The following ZGRF1 variants were observed in gnomAD, a reference collection of about 807,000 sequenced individuals.
ZGRF1 encodes 5'-3' DNA helicase ZGRF1.
In ZGRF1, 196 loss-of-function variants were observed where a neutral mutation model predicts 203.5. That is an observed-to-expected ratio of 0.96 (90% CI 0.86 to 1.08). ZGRF1 has a LOEUF of 1.08. Among genes scored for constraint, ZGRF1 ranks in the 50% least tolerant of loss-of-function variants. ZGRF1 has a pLI of 0.00. For synonymous variants in ZGRF1, 809 were observed against 841.3 expected, an observed-to-expected ratio of 0.96 and a Z score of 0.66; for missense variants, 2,326 against 2,416.3, an observed-to-expected ratio of 0.96 and a Z score of 0.78.
At position 112,619,780 on chromosome 4, in the gene ZGRF1, G is replaced by T. The variant is rs1341780019; in HGVS notation, c.352-90C>A. ...CTAAGAAAAAAAAAGGAGAAGGATT[G>T]TTTCTGGTTTGCCTAAGGTAAAGTA... On this transcript the variant is annotated intron_variant, in intron 5 of 27. Coordinates refer to ENST00000505019, the MANE Select transcript of ZGRF1 (RefSeq NM_018392.5). The T allele has an allele frequency of 4.7e-5, 53 of 1,120,310 alleles. 1 individual carries two copies. The East Asian group carries it at 1.2e-3, about 25-fold the overall frequency. 69.4% of individuals were successfully genotyped at this position (1,120,310 alleles called of 1,614,324 possible). A position where few individuals can be genotyped will look rare whatever the true frequency, so the allele number is the denominator to read the frequency against.
chr4:112,609,427 T>C lies in ZGRF1; in HGVS notation c.2670A>G (p.Ile890Met). 1 of 1,527,560 alleles carries C rather than the reference T, an allele frequency of 6.5e-7. No homozygotes were observed. The allele number at this position is 1,527,560 out of a possible 1,614,324, so 94.6% of individuals were successfully genotyped here. ...TTAGTTCAACTTCATCTTCTTTTAGTATCTTAGGAATAGAATATTAATTTT... is the reference window on the plus strand; with the variant it reads ...TTAGTTCAACTTCATCTTCTTTTAGCATCTTAGGAATAGAATATTAATTTT... ...SPHLHKDSQQ[I>M]LKEDEVELSE... Residue 890 changes from isoleucine (I) to methionine (M), a missense_variant and splice_region_variant, in exon 8 of 28, where the codon ATA (isoleucine) becomes ATG (methionine). Ile to Met is a conservative substitution (Grantham distance 10, BLOSUM62 1). Coordinates refer to ENST00000505019, the MANE Select transcript of ZGRF1 (RefSeq NM_018392.5).
intron 8 of ZGRF1, chr4:112,607,748 T>C (rs1247631137): frequency 6.6e-6 from 1 of 152,356 alleles, no homozygotes; most frequent in Admixed American, 6.6e-5. Flanking sequence ...GCCTGAACAA[T>C]GTAGTCAGAC....
intron 20 of ZGRF1, among the ~76,000 whole-genome samples, 156 bp from the exon 21 acceptor site, chr4:112,554,938 T>G (rs1394550927): frequency 6.6e-6 from 1 of 152,220 alleles, no homozygotes; most frequent in Non-Finnish European, 1.5e-5. Context: ...TAAATGCAAG[T>G]AGTTGGTTTT....
At chr4:112,621,577 C>T (rs1164659463) in intron 4 of ZGRF1, among the ~76,000 whole-genome samples, 1 of 149,290 alleles carries the variant, frequency 6.7e-6, no homozygotes, top group Admixed American at 6.7e-5. Flanking sequence ...CACTTGAACC[C>T]GGGAGGCAGA....
intron 17 of ZGRF1, among the ~76,000 whole-genome samples, chr4:112,562,836 T>C (rs906432784): frequency 3.9e-5 from 6 of 152,212 alleles, no homozygotes; most frequent in African/African-American, 1.2e-4. Flanking sequence ...AGAGTAGTAT[T>C]TGTATAATTT....
At chr4:112,549,634 C>G (rs998301356) in intron 22 of ZGRF1, among the ~76,000 whole-genome samples, 25 of 152,170 alleles carry the variant, frequency 1.6e-4, no homozygotes, top group Non-Finnish European at 4.4e-5. Flanking sequence ...TGTAAACAAA[C>G]CTACTGTACT....
At chr4:112,553,577 T>C (rs1218454358) in intron 22 of ZGRF1, among the ~76,000 whole-genome samples, 2 of 152,168 alleles carry the variant, frequency 1.3e-5, no homozygotes, top group African/African-American at 4.8e-5. Context: ...AAAAAGAAAG[T>C]AAACAGGGAG....
At chr4:112,565,902 C>T (rs1288985319) in intron 16 of ZGRF1, among the ~76,000 whole-genome samples, 17 of 152,182 alleles carry the variant, frequency 1.1e-4, no homozygotes, top group African/African-American at 4.1e-4. Context: ...GTTGGTGGGA[C>T]TGTAAACTAG....
In ZGRF1 at chr4:112,539,996, T is replaced by C; in HGVS notation, c.6039A>G (p.Gln2013=). 6.2e-7 allele frequency: 1 copy of C among 1,613,730 alleles called. No homozygotes were observed. Among genetic ancestry groups the C allele is most frequent in the Non-Finnish European group, 8.5e-7 (1 of 1,179,764 alleles). Reference sequence around the variant, plus strand: ...TTTTTTCTGAATCAATGAATCCTACTTGTCTTGTCCTTACACAGGACAGAA... The same window carrying C: ...TTTTTTCTGAATCAATGAATCCTACCTGTCTTGTCCTTACACAGGACAGAA... ...IIILSCVRTR[Q]VGFIDSEKRM... The change falls in exon 27 of 28, where the codon CAA becomes CAG. Residue 2013 remains glutamine (Q), a synonymous_variant. Coordinates refer to ENST00000505019, the MANE Select transcript of ZGRF1 (RefSeq NM_018392.5).
chr4:112,544,511 T>C (rs560267133), intron 24 of ZGRF1, among the ~76,000 whole-genome samples: 45 of 152,298 alleles, frequency 3.0e-4, no homozygotes, highest in Admixed American at 2.4e-3. Context: ...TTTAGTAGAA[T>C]TGAAGGCTCA....
At position 112,603,601 on chromosome 4, in the gene ZGRF1, C is replaced by G. The variant is rs1275836641; in HGVS notation, c.2899G>C (p.Asp967His). 1 of 1,613,736 alleles carries G rather than the reference C, an allele frequency of 6.2e-7. No homozygotes were observed. The highest frequency in any genetic ancestry group is 8.5e-7 in the Non-Finnish European group (1 of 1,179,626). The stretch of plus-strand genomic sequence containing the variant: ...ATAAAGTTTTCATACTCAGTGCTAT[C>G]TGGAAACTGACTGCATCCTAGCTGT... ...SSQLGCSQFP[D>H]STEYENFMTE... Residue 967 changes from aspartate to histidine, a missense_variant, in exon 10 of 28, where the codon GAT becomes CAT. Physicochemically the swap from Asp to His is moderately conservative, Grantham distance 81. Transcript: ENST00000505019.
In ZGRF1 at chr4:112,617,548, G is replaced by A. The variant is rs569570863; in HGVS notation, c.2494C>T (p.Leu832=). ...LVNTISILKS[L]CEHSTALDSL... Reference sequence around the variant, plus strand: ...TCTAAAGCAGTACTGTGTTCACATAGCGACTTTAAAATAGAAATGGTATTT... The same window carrying A: ...TCTAAAGCAGTACTGTGTTCACATAACGACTTTAAAATAGAAATGGTATTT... Residue 832 remains leucine, a synonymous_variant, in exon 6 of 28, where the codon CTA becomes TTA. Transcript: ENST00000505019. 37 of 1,613,492 alleles carry A rather than the reference G, an allele frequency of 2.3e-5. 1 individual carries two copies. In the South Asian group the frequency reaches 4.1e-4, roughly 18 times the overall value.
chr4:112,612,477 T>A, intron 7 of ZGRF1, 47 bp downstream of exon 7: 1 of 1,216,306 alleles, frequency 8.2e-7, no homozygotes, highest in South Asian at 1.3e-5. Flanking sequence ...TTATAGAACA[T>A]TCTTATCAAA....
intron 18 of ZGRF1, chr4:112,561,515 T>G (rs1268326262): frequency 6.5e-6 from 1 of 152,862 alleles, no homozygotes; most frequent in Non-Finnish European, 1.5e-5. Context: ...GGATATTTAT[T>G]TTTTTACCTA....
intron 16 of ZGRF1, among the ~76,000 whole-genome samples, chr4:112,568,849 A>G (rs759211342): frequency 1.3e-5 from 2 of 152,098 alleles, no homozygotes; most frequent in East Asian, 3.9e-4. Flanking sequence ...CCCTATCTCT[A>G]CTAAAAATAC....
intron 10 of ZGRF1, among the ~76,000 whole-genome samples, chr4:112,593,929 A>T (rs540522987): frequency 3.6e-4 from 55 of 151,204 alleles, no homozygotes; most frequent in South Asian, 1.7e-3. Context: ...ACACCTGGCT[A>T]ATTTTTAGAG....
At chr4:112,558,512 C>T (rs557803696) in intron 19 of ZGRF1, among the ~76,000 whole-genome samples, 14 of 152,260 alleles carry the variant, frequency 9.2e-5, no homozygotes, top group South Asian at 4.1e-4. Flanking sequence ...GGATTACCGG[C>T]GTGCACCACC....
intron 8 of ZGRF1, among the ~76,000 whole-genome samples, chr4:112,608,781 G>A (rs1475973100): frequency 1.3e-5 from 2 of 152,082 alleles, no homozygotes; most frequent in East Asian, 3.8e-4. Context: ...CCATAATACA[G>A]GTGTTTTCTT....
At chr4:112,625,527 A>G (rs897413794) in intron 3 of ZGRF1, among the ~76,000 whole-genome samples, 17 of 148,344 alleles carry the variant, frequency 1.1e-4, no homozygotes, top group African/African-American at 4.2e-4. Context: ...CGGAGCTTGC[A>G]GTAAGCCGAG....
Sources: allele counts gnomAD v4.1 joint callset (sites outside exome capture counted in the v4.1 genomes callset), GRCh38; gene constraint gnomAD v4.1.1; transcripts MANE v1.5; gene names NCBI Gene and HGNC (gene_info 2026-07-23, HGNC 2026-07-21).